Variants in CROCC2 observed in about 807,000 individuals in gnomAD.
CROCC2 encodes the protein ciliary rootlet coiled-coil protein 2.
A neutral mutation model predicts 177.6 loss-of-function variants in CROCC2; 163 were observed. The observed-to-expected ratio is 0.92, with a 90% CI of 0.81 to 1.05. CROCC2 has a LOEUF of 1.05. Among genes scored for constraint, CROCC2 ranks in the 50% least tolerant of loss-of-function variants. CROCC2 has a pLI of 0.00. For synonymous variants in CROCC2, 904 were observed against 787.3 expected, an observed-to-expected ratio of 1.15 and a Z score of -2.48; for missense variants, 1,929 against 1,797.8, an observed-to-expected ratio of 1.07 and a Z score of -1.32.
rs139666244 is a variant in CROCC2 at position 240,982,770 on chromosome 2, C to T, written c.4402-110C>T. 20 of 914,000 alleles carry T rather than the reference C, an allele frequency of 2.2e-5. No homozygotes were observed. The highest frequency in any genetic ancestry group is 8.1e-5 in the East Asian group (3 of 37,104). The allele number at this position is 914,000 out of a possible 1,614,324, so 56.6% of individuals were successfully genotyped here. A position where few individuals can be genotyped will look rare whatever the true frequency, so the allele number is the denominator to read the frequency against. On this transcript the variant is annotated intron_variant, in intron 27 of 31. Coordinates refer to ENST00000690015, the MANE Select transcript of CROCC2 (RefSeq NM_001351305.2). This position sits in a 1 kb window ranked among gnomAD's most constrained non-coding sequence, Gnocchi z 4.7. The stretch of plus-strand genomic sequence containing the variant: ...CACGTTCTTGCTGTTTTCATCCCAG[C>T]GATACGGTCCTGCCAGACGGTCTAG...
chr2:240,926,822 C>T (rs949685290), intron 5 of CROCC2, among the ~76,000 whole-genome samples: 3 of 152,244 alleles, frequency 2.0e-5, no homozygotes, highest in African/African-American at 2.4e-5. Flanking sequence ...CTCTGCATAG[C>T]GTCAGCGGGA....
At chr2:240,916,902 G>A (rs768227062) in intron 1 of CROCC2, among the ~76,000 whole-genome samples, 3 of 152,158 alleles carry the variant, frequency 2.0e-5, no homozygotes, top group Non-Finnish European at 4.4e-5. Flanking sequence ...CAAAATAAGG[G>A]GTTTAGAACA....
chr2:240,919,916 C>T lies in CROCC2; in HGVS notation c.230-67C>T, dbSNP rs539521032. The T allele has an allele frequency of 2.7e-4, 176 of 661,908 alleles. 1 individual carries two copies. The African/African-American group carries it at 2.8e-3, about 10-fold the overall frequency. 41.0% of individuals were successfully genotyped at this position (661,908 alleles called of 1,614,324 possible). On this transcript the variant is annotated intron_variant, in intron 2 of 31. Transcript: ENST00000690015. ...CCAGCCCAGGGTCCCACCGTGGAGA[C>T]AGGGCACAAGGCTGAGTGTGGGTGG...
At chr2:240,962,001 ACT>A (rs1372172084) in intron 20 of CROCC2, among the ~76,000 whole-genome samples, 7 of 140,564 alleles carry the variant, frequency 5.0e-5, no homozygotes, top group African/African-American at 1.9e-4. Flanking sequence ...CCACACACAC[ACT>A]CATCACCCAC....
intron 1 of CROCC2, among the ~76,000 whole-genome samples, chr2:240,911,233 A>T (rs2059286221): frequency 6.6e-6 from 1 of 151,500 alleles, no homozygotes; most frequent in Non-Finnish European, 1.5e-5. Context: ...TTTTAGGAAC[A>T]ATTCTGTGGC....
At chr2:240,927,427 G>A (rs1048527739) in intron 5 of CROCC2, among the ~76,000 whole-genome samples, 1 of 152,096 alleles carries the variant, frequency 6.6e-6, no homozygotes, top group Admixed American at 6.5e-5. Context: ...CCATTCTTAC[G>A]CTGTCTCCCA....
In CROCC2 at chr2:240,935,677, C is replaced by T. The variant is rs1353103984; in HGVS notation, c.2169+89C>T. ...AAGGTACTTCTGGGAGTCAGGCAGGCTCAGGATGCCCACATCAGCTCTTTC... is the reference window on the plus strand; with the variant it reads ...AAGGTACTTCTGGGAGTCAGGCAGGTTCAGGATGCCCACATCAGCTCTTTC... On this transcript the variant is annotated intron_variant, in intron 14 of 31. Transcript: ENST00000690015. 3.1e-6 allele frequency: 3 copies of T among 973,248 alleles called. No homozygotes were observed. The Admixed American group carries it at 1.1e-4, about 34-fold the overall frequency. The allele number at this position is 973,248 out of a possible 1,614,324, so 60.3% of individuals were successfully genotyped here.
In CROCC2 at chr2:240,991,272, C is replaced by A. The variant is rs2059877874; in HGVS notation, c.4940C>A (p.Thr1647Lys). 6.5e-7 allele frequency: 1 copy of A among 1,548,380 alleles called. No individual in the cohort carries two copies. Among genetic ancestry groups the A allele is most frequent in the Non-Finnish European group, 8.7e-7 (1 of 1,145,914 alleles). ...GCCCACCTCGGCCAGGCCTTCCAGA[C>A]AGGACAGTGAGCCCTGCTGCATACC... ...QQAHLGQAFQ[T>K]GHAQRD is the part of the protein sequence containing the mutation. The change falls in exon 31 of 32, where the codon ACA becomes AAA. Residue 1647 changes from threonine (T) to lysine (K), a missense_variant. Physicochemically the swap from Thr to Lys is moderately conservative, Grantham distance 78 (BLOSUM62 -1). Around this residue, in one of 3 missense-constraint regions of CROCC2, gnomAD observed 388 missense variants for 352.7 expected, o/e 1.10. Transcript: ENST00000690015.
chr2:240,950,119 A>G (rs777374527), intron 17 of CROCC2, among the ~76,000 whole-genome samples: 1 of 152,114 alleles, frequency 6.6e-6, no homozygotes, highest in African/African-American at 2.4e-5. Context: ...AAACTGATAG[A>G]TGAATATGGG....
chr2:240,962,060 ACACT>A (rs1333004549), intron 20 of CROCC2, among the ~76,000 whole-genome samples: 10 of 135,754 alleles, frequency 7.4e-5, no homozygotes, highest in Admixed American at 3.7e-4. Flanking sequence ...ACATACACTC[ACACT>A]CACACGCACT....
intron 1 of CROCC2, among the ~76,000 whole-genome samples, chr2:240,916,050 C>T (rs2059318133): frequency 1.3e-5 from 2 of 152,106 alleles, no homozygotes; most frequent in African/African-American, 4.8e-5. Context: ...GGAGGGGACG[C>T]CCTGCCTGTA....
At chr2:240,992,886 C>T (rs777016354) in intron 31 of CROCC2, among the ~76,000 whole-genome samples, 180 bp from the exon 32 acceptor site, 2 of 152,172 alleles carry the variant, frequency 1.3e-5, no homozygotes, top group South Asian at 2.1e-4. Context: ...GGGGGCCTCC[C>T]GCTCTGCAGC....
Position 240,982,734 on chromosome 2 carries a change from T to A in CROCC2, c.4402-146T>A. On this transcript the variant is annotated intron_variant, in intron 27 of 31. Transcript: ENST00000690015. The surrounding 1 kb of genome is among the most constrained non-coding windows in gnomAD (Gnocchi z 4.7). ...AATCACCTGATCAACGCACTTCAGGTTGTCCTTAACCACGTTCTTGCTGTT... is the reference window on the plus strand; with the variant it reads ...AATCACCTGATCAACGCACTTCAGGATGTCCTTAACCACGTTCTTGCTGTT... 1.5e-6 allele frequency: 1 copy of A among 657,156 alleles called. No homozygotes were observed. The highest frequency in any genetic ancestry group is 2.6e-6 in the Non-Finnish European group (1 of 388,874). The allele number at this position is 657,156 out of a possible 1,614,324, so 40.7% of individuals were successfully genotyped here.
chr2:240,953,086 GCA>G lies in CROCC2; in HGVS notation c.2829+2583_2829+2584del, dbSNP rs1378431202. Among the ~76,000 whole-genome samples, 1 of 152,054 alleles carries G rather than the reference GCA, an allele frequency of 6.6e-6. No homozygotes were observed. Among genetic ancestry groups the G allele is most frequent in the Non-Finnish European group, 1.5e-5 (1 of 68,002 alleles). ...GTTATTTAATCCCAGCTTCCCAGTG[GCA>G]CACACAGCCCCCAAGAGAGGGGACC... On this transcript the variant is annotated intron_variant, in intron 18 of 31. Transcript: ENST00000690015. This position sits in a 1 kb window ranked among gnomAD's most constrained non-coding sequence, Gnocchi z 4.0.
rs1289241084 is a variant in CROCC2, at chr2:240,960,654, C to T, written c.3087+1210C>T. 6.6e-6 allele frequency among the ~76,000 whole-genome samples: 1 copy of T among 152,158 alleles called. No individual in the cohort carries two copies. The highest frequency in any genetic ancestry group is 2.4e-5 in the African/African-American group (1 of 41,436). ...CTTGCCAAGGCTGGAGGCTGCGCAG[C>T]TGACCTGGTGCTGGAGCGAGCGGCT... On this transcript the variant is annotated intron_variant, in intron 20 of 31. Coordinates refer to ENST00000690015, the MANE Select transcript of CROCC2 (RefSeq NM_001351305.2). This position sits in a 1 kb window ranked among gnomAD's most constrained non-coding sequence, Gnocchi z 5.0.
At position 240,982,826 on chromosome 2, in the gene CROCC2, A is replaced by T; in HGVS notation, c.4402-54A>T. 1 of 1,494,248 alleles carries T rather than the reference A, an allele frequency of 6.7e-7. No individual in the cohort carries two copies. Among genetic ancestry groups the T allele is most frequent in the Non-Finnish European group, 9.0e-7 (1 of 1,110,228 alleles). 92.6% of individuals were successfully genotyped at this position (1,494,248 alleles called of 1,614,324 possible). On this transcript the variant is annotated intron_variant, in intron 27 of 31. Coordinates refer to ENST00000690015, the MANE Select transcript of CROCC2 (RefSeq NM_001351305.2). The surrounding 1 kb of genome is among the most constrained non-coding windows in gnomAD (Gnocchi z 4.7). ...TGCCCTGAGGCCAGGGTTTCCCTGC[A>T]GGGCCTCCCACCCCCAGTGTCTCCA... is the stretch of plus-strand genomic sequence containing the variant.
intron 1 of CROCC2, among the ~76,000 whole-genome samples, chr2:240,914,382 G>A (rs780015884): frequency 2.6e-5 from 4 of 152,216 alleles, no homozygotes; most frequent in African/African-American, 9.6e-5. Flanking sequence ...AGAGCGTGGA[G>A]AACCCTGCGG....
intron 15 of CROCC2, among the ~76,000 whole-genome samples, chr2:240,947,306 C>A (rs969309087): frequency 6.6e-6 from 1 of 152,180 alleles, no homozygotes; most frequent in Non-Finnish European, 1.5e-5. Context: ...CTCCAAGGAC[C>A]GGGGTGGAGG....
At chr2:240,931,539 G>A (rs181771342) in intron 7 of CROCC2, among the ~76,000 whole-genome samples, 231 of 152,320 alleles carry the variant, frequency 1.5e-3, no homozygotes, top group Admixed American at 2.7e-3. Flanking sequence ...GGACACCCAC[G>A]CCCTCTCTGG....
Sources: gnomAD v4.1 joint callset for allele counts (sites outside exome capture counted in the v4.1 genomes callset) on GRCh38, gnomAD v4.1.1 for gene constraint, gnomAD v4.1.1 regional missense constraint, Gnocchi (gnomAD v3.1) non-coding constraint, MANE v1.5 for transcripts, NCBI Gene and HGNC (gene_info 2026-07-23, HGNC 2026-07-21) for gene names.